The following ROCK1 variants were observed in gnomAD, a reference collection of about 807,000 sequenced individuals.
ROCK1 encodes the protein rho-associated protein kinase 1.
ROCK1 carries 36 observed loss-of-function variants against 196.8 expected under a neutral mutation model. The ratio of observed to expected loss-of-function variants is 0.18; its 90% CI spans 0.14 to 0.24. ROCK1 has a LOEUF of 0.24. Ranked by LOEUF, ROCK1 falls within the 10% of genes least tolerant of loss-of-function variation. The pLI is 1.00. For missense variants in ROCK1, 920 were observed against 1,562.0 expected (o/e 0.59, Z 6.93); for synonymous variants, 443 against 515.9 (o/e 0.86, Z 1.91).
At chr18:21,076,903 A>G (rs1452374404) in intron 1 of ROCK1, among the ~76,000 whole-genome samples, 2 of 152,024 alleles carry the variant, frequency 1.3e-5, no homozygotes, top group Non-Finnish European at 2.9e-5. Context: ...AAATGGTAGG[A>G]AAGTGTTATG....
intron 9 of ROCK1, among the ~76,000 whole-genome samples, chr18:21,033,997 G>A: frequency 7.1e-6 from 1 of 140,468 alleles, no homozygotes; most frequent in African/African-American, 2.7e-5. Flanking sequence ...TCGAGCCACT[G>A]TACTCCAGCC....
rs111652865 is a variant in ROCK1, at chr18:20,986,904, C to T, written c.2304+46G>A. The T allele has an allele frequency of 1.1e-3, 1,561 of 1,486,050 alleles. 17 individuals are homozygous for T. In the African/African-American group the frequency reaches 0.018, roughly 17 times the overall value. 92.1% of individuals were successfully genotyped at this position (1,486,050 alleles called of 1,614,324 possible). On this transcript the variant is annotated intron_variant, in intron 19 of 32. Transcript: ENST00000399799. Reference sequence around the variant, plus strand: ...TAACTCCAGTCATAACTTATATAACCGTTTCTCTTTTAATAGATGAACAAA... The same window carrying T: ...TAACTCCAGTCATAACTTATATAACTGTTTCTCTTTTAATAGATGAACAAA...
chr18:21,077,796 C>T (rs2036446732), intron 1 of ROCK1, among the ~76,000 whole-genome samples: 1 of 152,110 alleles, frequency 6.6e-6, no homozygotes, highest in Admixed American at 6.5e-5. Context: ...AGTACCCCAG[C>T]AGAGGGCAAA....
intron 19 of ROCK1, among the ~76,000 whole-genome samples, chr18:20,986,233 G>A (rs373691498): frequency 2.6e-5 from 4 of 152,006 alleles, no homozygotes; most frequent in South Asian, 2.1e-4. Flanking sequence ...ACATGTCTTC[G>A]TTTTTCCTTC....
chr18:20,986,862 G>A lies in ROCK1; in HGVS notation c.2304+88C>T, dbSNP rs1442794807. On this transcript the variant is annotated intron_variant, in intron 19 of 32. Transcript: ENST00000399799. ...ATTATTTCATTCAAATCTCCTTCAT[G>A]GTGTTTAAATTATAGATAACTCCAG... 9 of 1,146,470 alleles carry A rather than the reference G, an allele frequency of 7.9e-6. No homozygotes were observed. The Admixed American group carries it at 7.9e-5, about 10-fold the overall frequency. 71.0% of individuals were successfully genotyped at this position (1,146,470 alleles called of 1,614,324 possible). A position where few individuals can be genotyped will look rare whatever the true frequency, so the allele number is the denominator to read the frequency against.
chr18:21,047,321 T>A (rs934682590), intron 4 of ROCK1, among the ~76,000 whole-genome samples: 5 of 152,036 alleles, frequency 3.3e-5, no homozygotes, highest in African/African-American at 4.8e-5. Context: ...ACTACTAGCA[T>A]CCCCTGTGTA....
At chr18:21,004,398 A>G (rs1598524564) in intron 16 of ROCK1, among the ~76,000 whole-genome samples, 1 of 152,306 alleles carries the variant, frequency 6.6e-6, no homozygotes, top group African/African-American at 2.4e-5. Context: ...TTAAAAACCC[A>G]CAATGCACTT....
chr18:21,008,215 G>T, intron 13 of ROCK1, 21 bp from the exon 14 acceptor site: 1 of 1,532,772 alleles, frequency 6.5e-7, no homozygotes, highest in Non-Finnish European at 8.8e-7. Flanking sequence ...AATGATAAAA[G>T]TTACCACTGT....
At chr18:21,041,270 TAAA>T (rs780115669) in intron 8 of ROCK1, among the ~76,000 whole-genome samples, 2 of 105,174 alleles carry the variant, frequency 1.9e-5, no homozygotes, top group Middle Eastern at 5.4e-3. Flanking sequence ...TGTCTCTATT[TAAA>T]AAAAAAAAAA....
chr18:21,032,311 G>T (rs1230272287), intron 9 of ROCK1, among the ~76,000 whole-genome samples: 1 of 152,044 alleles, frequency 6.6e-6, no homozygotes, highest in East Asian at 1.9e-4. Context: ...ATTCAACCTA[G>T]ATTGTTTTCA....
At chr18:21,003,982 T>C (rs2035748089) in intron 16 of ROCK1, among the ~76,000 whole-genome samples, 1 of 152,180 alleles carries the variant, frequency 6.6e-6, no homozygotes, top group Admixed American at 6.5e-5. Flanking sequence ...ATCTGAAGAA[T>C]CAGAGATAAA....
At chr18:21,017,287 G>A (rs1428486017) in intron 12 of ROCK1, among the ~76,000 whole-genome samples, 1 of 150,978 alleles carries the variant, frequency 6.6e-6, no homozygotes, top group East Asian at 2.0e-4. Context: ...CGTCTCCCGG[G>A]TTCATGCCAT....
At chr18:21,017,432 C>T (rs1419666731) in intron 12 of ROCK1, among the ~76,000 whole-genome samples, 1 of 151,560 alleles carries the variant, frequency 6.6e-6, no homozygotes, top group African/African-American at 2.4e-5. Flanking sequence ...CCTTGTGATC[C>T]GCCTGCCTCG....
In ROCK1 at chr18:21,044,116, T is replaced by A; in HGVS notation, c.661A>T (p.Met221Leu). 6.2e-7 allele frequency: 1 copy of A among 1,605,798 alleles called. No individual in the cohort carries two copies. Among genetic ancestry groups the A allele is most frequent in the Non-Finnish European group, 8.5e-7 (1 of 1,174,228 alleles). ...AGTTAATTAACCTTATTCATCTTCATACAAGTACCAAAATCTGCTAACTTC... is the reference window on the plus strand; with the variant it reads ...AGTTAATTAACCTTATTCATCTTCAAACAAGTACCAAAATCTGCTAACTTC... ...HLKLADFGTC[M>L]KMNKEGMVRC... The change falls in exon 6 of 33, where the codon ATG becomes TTG. Residue 221 changes from methionine (M) to leucine (L), a missense_variant. Met to Leu is a conservative substitution (Grantham distance 15). Transcript: ENST00000399799.
chr18:21,089,439 G>A (rs1034950990), intron 1 of ROCK1, among the ~76,000 whole-genome samples: 5 of 152,168 alleles, frequency 3.3e-5, no homozygotes, highest in African/African-American at 9.7e-5. Flanking sequence ...CTTAATAGAA[G>A]ACAACTGGAC....
intron 16 of ROCK1, among the ~76,000 whole-genome samples, chr18:21,002,304 G>A (rs1250450378): frequency 6.6e-6 from 1 of 152,182 alleles, no homozygotes. Flanking sequence ...AAGCAAGGAT[G>A]TGATCTAAAA....
intron 6 of ROCK1, among the ~76,000 whole-genome samples, chr18:21,043,892 TAGAG>T (rs2036132846): frequency 6.6e-6 from 1 of 151,986 alleles, no homozygotes; most frequent in Non-Finnish European, 1.5e-5. Context: ...TTACCCTAAA[TAGAG>T]AGGAAAAAAT....
At chr18:20,980,367 G>A (rs973775865) in intron 21 of ROCK1, among the ~76,000 whole-genome samples, 6 of 152,196 alleles carry the variant, frequency 3.9e-5, no homozygotes, top group South Asian at 2.1e-4. Flanking sequence ...AAGAAACCAC[G>A]TGTTAAAGAG....
intron 1 of ROCK1, among the ~76,000 whole-genome samples, chr18:21,098,989 G>A (rs2036634952): frequency 6.6e-6 from 1 of 152,200 alleles, no homozygotes; most frequent in African/African-American, 2.4e-5. Flanking sequence ...TAGTGGAAAT[G>A]TAAAATAGCA....
Sources: allele counts gnomAD v4.1 joint callset (sites outside exome capture counted in the v4.1 genomes callset), GRCh38; gene constraint gnomAD v4.1.1; transcripts MANE v1.5; gene names NCBI Gene and HGNC (gene_info 2026-07-23, HGNC 2026-07-21).